The following PHLPP1 variants were observed in gnomAD, a reference collection of about 807,000 sequenced individuals.
PHLPP1 encodes the protein PH domain leucine-rich repeat-containing protein phosphatase 1.
In PHLPP1, 42 loss-of-function variants were observed where a neutral mutation model predicts 117.2. The ratio of observed to expected loss-of-function variants is 0.36; its 90% CI spans 0.28 to 0.46. The LOEUF (loss-of-function observed/expected upper bound fraction) is 0.46, where lower values mean the gene tolerates loss of function less well. PHLPP1 is among the 20% of genes least tolerant of loss of function. The pLI, the probability that PHLPP1 is intolerant of heterozygous loss-of-function variation, is 1.00. For synonymous variants in PHLPP1, 1,042 were observed against 970.7 expected, an observed-to-expected ratio of 1.07 and a Z score of -1.37; for missense variants, 2,084 against 2,241.9, an observed-to-expected ratio of 0.93 and a Z score of 1.42.
At chr18:62,803,336 T>C (rs536891286) in intron 1 of PHLPP1, among the ~76,000 whole-genome samples, 1 of 152,324 alleles carries the variant, frequency 6.6e-6, no homozygotes, top group African/African-American at 2.4e-5. Flanking sequence ...CTCAAAATAC[T>C]GTCAGCATCC....
chr18:62,954,555 C>T (rs760078417), intron 12 of PHLPP1, among the ~76,000 whole-genome samples: 44 of 152,160 alleles, frequency 2.9e-4, no homozygotes, highest in Non-Finnish European at 5.4e-4. Context: ...GCGTGTTGCT[C>T]ACTGTGTTAA....
intron 10 of PHLPP1, among the ~76,000 whole-genome samples, chr18:62,940,819 C>T (rs1261275747): frequency 6.6e-6 from 1 of 152,172 alleles, no homozygotes; most frequent in East Asian, 1.9e-4. Context: ...AAAGTGAGCA[C>T]ACTTGTGTAA....
At chr18:62,747,966 G>A (rs901284022) in intron 1 of PHLPP1, among the ~76,000 whole-genome samples, 2 of 152,080 alleles carry the variant, frequency 1.3e-5, no homozygotes, top group Admixed American at 1.3e-4. Context: ...CTTTGGTATT[G>A]GTTGAGATTA....
intron 1 of PHLPP1, among the ~76,000 whole-genome samples, chr18:62,814,388 C>T (rs988378691): frequency 6.6e-6 from 1 of 152,204 alleles, no homozygotes; most frequent in Non-Finnish European, 1.5e-5. Flanking sequence ...ACAGAATTCC[C>T]AGATGCAGTT....
chr18:62,976,363 A>T (rs1361032920), intron 16 of PHLPP1, among the ~76,000 whole-genome samples: 2 of 152,196 alleles, frequency 1.3e-5, no homozygotes, highest in African/African-American at 4.8e-5. Flanking sequence ...GCGTGTCTCA[A>T]GGAAGAGAAG....
intron 16 of PHLPP1, among the ~76,000 whole-genome samples, chr18:62,977,365 G>A (rs143419757): frequency 7.0e-6 from 1 of 142,896 alleles, no homozygotes; most frequent in East Asian, 2.1e-4. Flanking sequence ...GGCATGTAGA[G>A]GTATGTCATG....
At chr18:62,878,324 C>G (rs1214053117) in intron 4 of PHLPP1, among the ~76,000 whole-genome samples, 1 of 152,094 alleles carries the variant, frequency 6.6e-6, no homozygotes, top group South Asian at 2.1e-4. Flanking sequence ...TGAAATAATT[C>G]TTTGGTTGCC....
chr18:62,783,438 C>G (rs1045357989), intron 1 of PHLPP1, among the ~76,000 whole-genome samples: 2 of 152,024 alleles, frequency 1.3e-5, no homozygotes, highest in African/African-American at 4.8e-5. Context: ...CCATGTTAGC[C>G]AGGATGGTGC....
intron 4 of PHLPP1, among the ~76,000 whole-genome samples, chr18:62,871,360 T>C (rs1276617666): frequency 6.6e-6 from 1 of 152,126 alleles, no homozygotes; most frequent in Non-Finnish European, 1.5e-5. Flanking sequence ...GGAATTTCAC[T>C]CTTGTCACCC....
chr18:62,902,995 G>A lies in PHLPP1; in HGVS notation c.2476G>A (p.Glu826Lys), dbSNP rs1916763092. 1 of 1,612,550 alleles carries A rather than the reference G, an allele frequency of 6.2e-7. No individual in the cohort carries two copies. The highest frequency in any genetic ancestry group is 8.5e-7 in the Non-Finnish European group (1 of 1,179,480). Residue 826 changes from glutamate (E) to lysine (K), a missense_variant, in exon 7 of 17, where the codon GAA (glutamate) becomes AAA (lysine). Glu to Lys is a moderately conservative substitution (Grantham distance 56, BLOSUM62 1). Coordinates refer to ENST00000262719, the MANE Select transcript of PHLPP1 (RefSeq NM_194449.4). ...LNVIRKLIAD[E>K]VDFLQHVTQL... ...CGTAATTAGGAAGCTGATAGCAGAT[G>A]AAGTGGACTTTCTACAGCATGTTAC...
chr18:62,948,144 G>T (rs1432486233), intron 12 of PHLPP1, among the ~76,000 whole-genome samples: 1 of 151,994 alleles, frequency 6.6e-6, no homozygotes, highest in Non-Finnish European at 1.5e-5. Context: ...CACCAATATG[G>T]TGAAACACTG....
Position 62,716,253 on chromosome 18 carries a change from G to T in PHLPP1, c.570G>T (p.Ser190=). The T allele has an allele frequency of 6.5e-7, 1 of 1,530,154 alleles. No homozygotes were observed. Among genetic ancestry groups the T allele is most frequent in the South Asian group, 1.2e-5 (1 of 83,148 alleles). The allele number at this position is 1,530,154 out of a possible 1,614,324, so 94.8% of individuals were successfully genotyped here. A position where few individuals can be genotyped will look rare whatever the true frequency, so the allele number is the denominator to read the frequency against. The change falls in exon 1 of 17, where the codon TCG becomes TCT. Residue 190 remains serine, a synonymous_variant. Coordinates refer to ENST00000262719, the MANE Select transcript of PHLPP1 (RefSeq NM_194449.4). This position sits in a 1 kb window ranked among gnomAD's most constrained non-coding sequence, Gnocchi z 5.7. ...GGCAGACGCTGCAGCTGCAGCCGTC[G>T]GACCGGGACTGGGTGAGGCACCAGC... ...KHRQTLQLQP[S]DRDWVRHQLQ...
intron 1 of PHLPP1, among the ~76,000 whole-genome samples, chr18:62,813,316 G>A (rs953965250): frequency 1.3e-5 from 2 of 152,180 alleles, no homozygotes; most frequent in Admixed American, 6.5e-5. Context: ...GTGAGCATCA[G>A]GCATTCGGGA....
chr18:62,766,102 T>TAA (rs1204266155), intron 1 of PHLPP1, among the ~76,000 whole-genome samples: 31 of 60,684 alleles, frequency 5.1e-4, no homozygotes, highest in African/African-American at 1.6e-3. Flanking sequence ...TATATATATA[T>TAA]AAAATATATA....
At chr18:62,807,448 T>C (rs1258891972) in intron 1 of PHLPP1, among the ~76,000 whole-genome samples, 1 of 152,232 alleles carries the variant, frequency 6.6e-6, no homozygotes, top group Non-Finnish European at 1.5e-5. Flanking sequence ...GAAGAAGGTA[T>C]AATTCTTGTA....
At chr18:62,830,534 G>GT (rs1284564244) in intron 2 of PHLPP1, among the ~76,000 whole-genome samples, 2 of 152,112 alleles carry the variant, frequency 1.3e-5, no homozygotes, top group African/African-American at 4.8e-5. Context: ...AGGCCGAAAA[G>GT]TAAGTTTAAA....
rs149355448 is a variant in PHLPP1 at position 62,916,042 on chromosome 18, A to G, written c.2804+1034A>G. ...GAGTAAACTTTTACTTTAGTGCACA[A>G]TCTTTAAAGGTATGTGATCACCATT... is the stretch of plus-strand genomic sequence containing the variant. On this transcript the variant is annotated intron_variant, in intron 9 of 16. Transcript: ENST00000262719. Among the ~76,000 whole-genome samples, 39 of 152,218 alleles carry G rather than the reference A, an allele frequency of 2.6e-4. 1 individual carries two copies. In the East Asian group the frequency reaches 4.8e-3, roughly 19 times the overall value.
chr18:62,860,435 G>C lies in PHLPP1; in HGVS notation c.1900G>C (p.Val634Leu). The C allele has an allele frequency of 6.2e-7, 1 of 1,613,492 alleles. No individual in the cohort carries two copies. The highest frequency in any genetic ancestry group is 1.3e-5 in the African/African-American group (1 of 74,982). Residue 634 changes from valine (V) to leucine (L), a missense_variant and splice_region_variant, in exon 4 of 17, where the codon GTT (valine) becomes CTT (leucine). Physicochemically the swap from Val to Leu is conservative, Grantham distance 32. Around this residue, in one of 2 missense-constraint regions of PHLPP1, gnomAD observed 1,365 missense variants for 1,605.9 expected, o/e 0.85. Coordinates refer to ENST00000262719, the MANE Select transcript of PHLPP1 (RefSeq NM_194449.4). ...AAAATTAAGTTTTATCCCCCTTTAG[G>C]TTGCATCCCAGCGCATTAGCTCAGT... is the stretch of plus-strand genomic sequence containing the variant. Reference protein sequence around the residue: ...YLRWLRQVSKVASQRISSVDL... With the variant: ...YLRWLRQVSKLASQRISSVDL...
chr18:62,833,153 ACT>A (rs1914800096), intron 2 of PHLPP1, among the ~76,000 whole-genome samples: 1 of 151,992 alleles, frequency 6.6e-6, no homozygotes, highest in Non-Finnish European at 1.5e-5. Context: ...GGGTCACTGC[ACT>A]CTCTGCCTCC....
Sources: gnomAD v4.1 joint callset for allele counts (sites outside exome capture counted in the v4.1 genomes callset) on GRCh38, gnomAD v4.1.1 for gene constraint, gnomAD v4.1.1 regional missense constraint, Gnocchi (gnomAD v3.1) non-coding constraint, MANE v1.5 for transcripts, NCBI Gene and HGNC (gene_info 2026-07-23, HGNC 2026-07-21) for gene names.